RNF121: variants seen among roughly 807,000 people sequenced by gnomAD.
RNF121 encodes the protein ring finger protein 121.
In RNF121, 21 loss-of-function variants were observed where a neutral mutation model predicts 46.5. The observed-to-expected ratio is 0.45, with a 90% CI of 0.32 to 0.65. RNF121 has a LOEUF of 0.65. Among genes scored for constraint, RNF121 ranks in the 30% least tolerant of loss-of-function variants. RNF121 has a pLI of 0.04. For missense variants in RNF121, 346 were observed against 416.0 expected (o/e 0.83, Z 1.46); for synonymous variants, 139 against 144.7 (o/e 0.96, Z 0.28).
chr11:71,957,242 C>T lies in RNF121; in HGVS notation c.79C>T (p.Leu27Phe). 1 of 1,604,848 alleles carries T rather than the reference C, an allele frequency of 6.2e-7. No homozygotes were observed. The highest frequency in any genetic ancestry group is 1.1e-5 in the South Asian group (1 of 90,916). Residue 27 changes from leucine to phenylalanine, a missense_variant, in exon 2 of 9, where the codon CTC becomes TTC. By Grantham distance (22) the Leu-to-Phe change is conservative. Coordinates refer to ENST00000361756, the MANE Select transcript of RNF121 (RefSeq NM_018320.5). The stretch of plus-strand genomic sequence containing the variant: ...CTTTCTACAGGTTGATATGTCAGAT[C>T]TCTCTCCAGAAGAGCAATGGAGGTA... ...RELDEVDMSD[L>F]SPEEQWRVEH... is the part of the protein sequence containing the mutation.
At chr11:71,936,891 A>G (rs1327358996) in intron 1 of RNF121, among the ~76,000 whole-genome samples, 1 of 152,148 alleles carries the variant, frequency 6.6e-6, no homozygotes, top group South Asian at 2.1e-4. Flanking sequence ...AGTGCTTGGC[A>G]CATAGCCCAT....
At chr11:71,962,209 C>A in intron 3 of RNF121, 1 of 270,704 alleles carries the variant, frequency 3.7e-6, no homozygotes, top group Non-Finnish European at 5.7e-6. Flanking sequence ...ACCTTGTGAT[C>A]CGCCTCGGCC....
chr11:71,961,831 TGAG>T (rs937142695), intron 3 of RNF121, among the ~76,000 whole-genome samples: 1 of 152,222 alleles, frequency 6.6e-6, no homozygotes, highest in Non-Finnish European at 1.5e-5. Context: ...TCCCACCTAT[TGAG>T]GAGGCTGAGG....
At chr11:71,951,940 T>C (rs1460010763) in intron 1 of RNF121, among the ~76,000 whole-genome samples, 1 of 152,160 alleles carries the variant, frequency 6.6e-6, no homozygotes, top group African/African-American at 2.4e-5. Context: ...AGCAGAGACT[T>C]ACCATATGAT....
At chr11:71,959,177 C>A (rs1046142206) in intron 2 of RNF121, among the ~76,000 whole-genome samples, 1 of 152,154 alleles carries the variant, frequency 6.6e-6, no homozygotes, top group Non-Finnish European at 1.5e-5. Flanking sequence ...TCAGATTCTC[C>A]CACCCAGGGT....
chr11:71,990,761 A>G (rs780458574), intron 6 of RNF121, 44 bp downstream of exon 6: 2 of 1,607,376 alleles, frequency 1.2e-6, no homozygotes, highest in Non-Finnish European at 1.7e-6. Flanking sequence ...TGACACCTCC[A>G]AATTGCTCAA....
At chr11:71,956,507 A>G (rs1446055443) in intron 1 of RNF121, among the ~76,000 whole-genome samples, 2 of 152,268 alleles carry the variant, frequency 1.3e-5, no homozygotes, top group African/African-American at 4.8e-5. Context: ...CTCTGAAAAG[A>G]TAAGACTACC....
chr11:71,958,050 G>A (rs1954034269), intron 2 of RNF121, among the ~76,000 whole-genome samples: 1 of 152,180 alleles, frequency 6.6e-6, no homozygotes, highest in Admixed American at 6.5e-5. Flanking sequence ...AACCAGTTGT[G>A]TACCTCAGCT....
At chr11:71,951,583 G>T (rs988566525) in intron 1 of RNF121, among the ~76,000 whole-genome samples, 1 of 150,368 alleles carries the variant, frequency 6.7e-6, no homozygotes, top group Non-Finnish European at 1.5e-5. Flanking sequence ...CAATGATCAT[G>T]CCTGTGAATA....
intron 3 of RNF121, among the ~76,000 whole-genome samples, chr11:71,967,122 C>T (rs1458845604): frequency 6.7e-6 from 1 of 149,972 alleles, no homozygotes. Context: ...CCACCCGCCT[C>T]GGCCTCCCAA....
Position 71,994,828 on chromosome 11 carries a change from C to A in RNF121, c.737C>A (p.Thr246Lys). ...AGTGAAGAGGGGATCATTGAGAACA[C>A]GTATAGGCTGTCCTGCAATCATGTG... is the stretch of plus-strand genomic sequence containing the variant. The part of the protein sequence containing the change: ...DVSEEGIIEN[T>K]YRLSCNHVFH... The change falls in exon 7 of 9, where the codon ACG becomes AAG. Residue 246 changes from threonine to lysine, a missense_variant. By Grantham distance (78) the Thr-to-Lys change is moderately conservative. Transcript: ENST00000361756. 6.2e-7 allele frequency: 1 copy of A among 1,614,204 alleles called. No homozygotes were observed. The highest frequency in any genetic ancestry group is 8.5e-7 in the Non-Finnish European group (1 of 1,180,028).
chr11:71,936,929 A>G (rs909583562), intron 1 of RNF121, among the ~76,000 whole-genome samples: 10 of 152,206 alleles, frequency 6.6e-5, no homozygotes, highest in Non-Finnish European at 2.9e-5. Flanking sequence ...GTAAATGAGA[A>G]TGCTTGTAGA....
At chr11:71,973,626 A>T (rs774362061) in intron 3 of RNF121, among the ~76,000 whole-genome samples, 1 of 152,106 alleles carries the variant, frequency 6.6e-6, no homozygotes, top group East Asian at 1.9e-4. Flanking sequence ...GTCTCTACTA[A>T]TAATACAAAA....
intron 6 of RNF121, among the ~76,000 whole-genome samples, chr11:71,991,443 C>T (rs1565163615): frequency 6.6e-6 from 1 of 152,106 alleles, no homozygotes; most frequent in Non-Finnish European, 1.5e-5. Flanking sequence ...ATAAACTTTA[C>T]TCTTAGGTGG....
Position 71,933,324 on chromosome 11 carries a change from G to A in RNF121, c.63+4200G>A, listed in dbSNP as rs118005509. Among the ~76,000 whole-genome samples, 1,462 of 152,328 alleles carry A rather than the reference G, an allele frequency of 9.6e-3. 23 individuals are homozygous for A. Among genetic ancestry groups the A allele is most frequent in the Non-Finnish European group, 0.012 (821 of 68,038 alleles). On this transcript the variant is annotated intron_variant, in intron 1 of 8. Transcript: ENST00000361756. ...AAATGATGTGAAATCATGCATATCA[G>A]TGAGGAGTTTCTAACTCAAGCCAGA...
chr11:71,942,779 T>TATATATATATATATATATATATATAG (rs1214228661), intron 1 of RNF121, among the ~76,000 whole-genome samples: 5 of 12,570 alleles, frequency 4.0e-4, no homozygotes, highest in East Asian at 9.3e-4. Flanking sequence ...TCTGTATATA[T>TATATATATATATATATATATATATAG]ATATATATAT....
intron 1 of RNF121, among the ~76,000 whole-genome samples, chr11:71,948,380 G>A (rs1454799495): frequency 6.6e-6 from 1 of 151,802 alleles, no homozygotes; most frequent in Non-Finnish European, 1.5e-5. Flanking sequence ...GCCGGGCGTG[G>A]TGGCTGCACT....
chr11:71,970,812 C>T (rs889814824), intron 3 of RNF121, among the ~76,000 whole-genome samples: 5 of 151,996 alleles, frequency 3.3e-5, no homozygotes, highest in African/African-American at 1.2e-4. Context: ...AAGCAACTAC[C>T]AAGACAGGGA....
rs1954784232 is a variant in RNF121, at chr11:71,986,986, C to T, written c.399-18C>T. The T allele has an allele frequency of 6.9e-7, 1 of 1,458,514 alleles. No homozygotes were observed. Among genetic ancestry groups the T allele is most frequent in the Non-Finnish European group, 9.6e-7 (1 of 1,038,808 alleles). The allele number at this position is 1,458,514 out of a possible 1,614,324, so 90.3% of individuals were successfully genotyped here. ...GAATCTCTGTGTCAGCTGCACTAACCTTCTCTCCTTTCCCCAGGTTGGTTT... is the reference window on the plus strand; with the variant it reads ...GAATCTCTGTGTCAGCTGCACTAACTTTCTCTCCTTTCCCCAGGTTGGTTT... On this transcript the variant is annotated intron_variant, in intron 4 of 8. Transcript: ENST00000361756.
Sources: gnomAD v4.1 joint callset for allele counts (sites outside exome capture counted in the v4.1 genomes callset) on GRCh38, gnomAD v4.1.1 for gene constraint, MANE v1.5 for transcripts, NCBI Gene and HGNC (gene_info 2026-07-23, HGNC 2026-07-21) for gene names.